ODAD2: variants seen among roughly 807,000 people sequenced by gnomAD.
The protein encoded by ODAD2 is outer dynein arm docking complex subunit 2.
Under a neutral mutation model 106.8 loss-of-function variants are expected in ODAD2, and 89 were observed. That is an observed-to-expected ratio of 0.83 (90% CI 0.70 to 0.99). The LOEUF is 0.99. ODAD2 is among the 50% of genes least tolerant of loss of function. The pLI is 0.00. For missense variants in ODAD2, 1,168 were observed against 1,238.5 expected (o/e 0.94, Z 0.85); for synonymous variants, 404 against 436.2 (o/e 0.93, Z 0.92).
chr10:27,895,513 C>T (rs11006762), intron 17 of ODAD2, among the ~76,000 whole-genome samples: 100,856 of 152,016 alleles, frequency 0.66, 33,784 homozygotes, highest in Middle Eastern at 0.74. Flanking sequence ...GGTCTTGAAC[C>T]CCTGGCTTCC....
At chr10:27,923,933 G>C (rs904153342) in intron 16 of ODAD2, among the ~76,000 whole-genome samples, 3 of 125,482 alleles carry the variant, frequency 2.4e-5, no homozygotes, top group Non-Finnish European at 3.4e-5. Context: ...GATAGAGAGA[G>C]ACCCTGTCTA....
At chr10:27,913,693 A>T (rs1844167723) in intron 16 of ODAD2, among the ~76,000 whole-genome samples, 2 of 152,212 alleles carry the variant, frequency 1.3e-5, no homozygotes, top group African/African-American at 2.4e-5. Flanking sequence ...GATACTTCTC[A>T]AAAGAAGACA....
At chr10:27,818,983 C>T (rs548790123) in intron 19 of ODAD2, among the ~76,000 whole-genome samples, 3 of 152,298 alleles carry the variant, frequency 2.0e-5, no homozygotes, top group African/African-American at 7.2e-5. Flanking sequence ...CCTCTTAACC[C>T]AACCTTCTCA....
chr10:27,869,639 A>G (rs780384503), intron 17 of ODAD2, among the ~76,000 whole-genome samples: 1 of 150,724 alleles, frequency 6.6e-6, no homozygotes, highest in Non-Finnish European at 1.5e-5. Flanking sequence ...GGTTCAAATG[A>G]TTCTCCTGGC....
chr10:27,856,680 C>T (rs1451993732), intron 19 of ODAD2, among the ~76,000 whole-genome samples: 1 of 152,100 alleles, frequency 6.6e-6, no homozygotes, highest in Non-Finnish European at 1.5e-5. Flanking sequence ...TGGTGCAAAC[C>T]GAGACATACT....
intron 2 of ODAD2, among the ~76,000 whole-genome samples, chr10:27,993,126 G>C (rs1310651626): frequency 2.6e-5 from 4 of 152,052 alleles, no homozygotes; most frequent in African/African-American, 7.2e-5. Context: ...TGTTGGCCAG[G>C]CTGGTCTTGA....
intron 17 of ODAD2, among the ~76,000 whole-genome samples, chr10:27,893,455 G>T (rs369775521): frequency 1.2e-4 from 19 of 152,266 alleles, no homozygotes; most frequent in African/African-American, 4.3e-4. Context: ...TTGTCTAAAG[G>T]CGTAGCTGGT....
At chr10:27,838,485 G>C (rs1564413443) in intron 19 of ODAD2, among the ~76,000 whole-genome samples, 1 of 152,198 alleles carries the variant, frequency 6.6e-6, no homozygotes, top group Non-Finnish European at 1.5e-5. Context: ...TTTCTCACAA[G>C]TTTAAAGACT....
intron 17 of ODAD2, among the ~76,000 whole-genome samples, chr10:27,880,371 TAAAA>T (rs1841619245): frequency 6.6e-6 from 1 of 152,190 alleles, no homozygotes; most frequent in Non-Finnish European, 1.5e-5. Context: ...TTCTTATGTC[TAAAA>T]AAATTCCTTT....
At chr10:27,879,004 G>A (rs566127165) in intron 17 of ODAD2, among the ~76,000 whole-genome samples, 7 of 152,098 alleles carry the variant, frequency 4.6e-5, no homozygotes, top group East Asian at 3.9e-4. Flanking sequence ...TGATACAATC[G>A]TTATAGTCTA....
chr10:27,912,816 G>A lies in ODAD2; in HGVS notation c.2496-5039C>T, dbSNP rs184829476. On this transcript the variant is annotated intron_variant, in intron 16 of 19. Coordinates refer to ENST00000305242, the MANE Select transcript of ODAD2 (RefSeq NM_018076.5). ...CCAAGTTGGCAATTCAGTAAAATGG[G>A]AAACATAAATGTATGTCAGAATTAA... is the stretch of plus-strand genomic sequence containing the variant. Among the ~76,000 whole-genome samples the A allele has an allele frequency of 7.5e-3, 1,137 of 152,128 alleles. 4 individuals carry two copies. Among genetic ancestry groups the A allele is most frequent in the Middle Eastern group, 0.014 (4 of 294 alleles).
chr10:27,874,154 T>C (rs1244449543), intron 17 of ODAD2, among the ~76,000 whole-genome samples: 1 of 152,204 alleles, frequency 6.6e-6, no homozygotes, highest in Non-Finnish European at 1.5e-5. Context: ...TTAAAGTCTG[T>C]TTTATCAGAG....
In ODAD2 at chr10:27,985,291, C is replaced by T. The variant is rs180684070; in HGVS notation, c.383-80G>A. ...ACAACAAACATTAAGACTAATAAAT[C>T]CTTCAAAGTCCATTCAGACGTGTTT... On this transcript the variant is annotated intron_variant, in intron 3 of 19. Coordinates refer to ENST00000305242, the MANE Select transcript of ODAD2 (RefSeq NM_018076.5). The T allele has an allele frequency of 2.2e-4, 248 of 1,127,674 alleles. 2 individuals are homozygous for T. In the African/African-American group the frequency reaches 3.6e-3, roughly 16 times the overall value. 69.9% of individuals were successfully genotyped at this position (1,127,674 alleles called of 1,614,324 possible).
At chr10:27,936,613 T>A in intron 15 of ODAD2, 113 bp downstream of exon 15, 1 of 1,205,214 alleles carries the variant, frequency 8.3e-7, no homozygotes, top group Non-Finnish European at 1.2e-6. Flanking sequence ...TCATCCAGAA[T>A]GTACATCTAC....
chr10:27,872,597 G>C (rs562316711), intron 17 of ODAD2, among the ~76,000 whole-genome samples: 1 of 152,224 alleles, frequency 6.6e-6, no homozygotes, highest in Non-Finnish European at 1.5e-5. Context: ...GGCCTTTCCT[G>C]CATCCATTGA....
At chr10:27,868,548 G>A (rs1197411238) in intron 17 of ODAD2, among the ~76,000 whole-genome samples, 1 of 152,160 alleles carries the variant, frequency 6.6e-6, no homozygotes, top group Non-Finnish European at 1.5e-5. Context: ...GGATGAAGCT[G>A]TAAGCCATCA....
intron 12 of ODAD2, among the ~76,000 whole-genome samples, chr10:27,941,192 C>T (rs185386504): frequency 6.6e-6 from 1 of 152,174 alleles, no homozygotes; most frequent in East Asian, 1.9e-4. Flanking sequence ...ACCTTAAAGC[C>T]ACAAGACCTG....
chr10:27,849,555 A>G (rs947344193), intron 19 of ODAD2, among the ~76,000 whole-genome samples: 7 of 152,096 alleles, frequency 4.6e-5, no homozygotes, highest in Admixed American at 2.0e-4. Context: ...TATAATAATA[A>G]TAATAATAAA....
At chr10:27,999,375 T>C (rs1236237738), upstream of ODAD2, among the ~76,000 whole-genome samples, 9 of 152,166 alleles carry the variant, frequency 5.9e-5, no homozygotes, top group Non-Finnish European at 1.2e-4. Flanking sequence ...TGTATGTACC[T>C]GAAATCTTCA....
Sources: gnomAD v4.1 joint callset for allele counts (sites outside exome capture counted in the v4.1 genomes callset) on GRCh38, gnomAD v4.1.1 for gene constraint, MANE v1.5 for transcripts, NCBI Gene and HGNC (gene_info 2026-07-23, HGNC 2026-07-21) for gene names.